The following CBLB variants were observed in gnomAD, a reference collection of about 807,000 sequenced individuals.
CBLB encodes E3 ubiquitin-protein ligase CBL-B.
CBLB carries 31 observed loss-of-function variants against 104.9 expected under a neutral mutation model. The observed-to-expected ratio is 0.30, with a 90% CI of 0.22 to 0.40. CBLB has a LOEUF of 0.40. Ranked by LOEUF, CBLB falls within the 10% of genes least tolerant of loss-of-function variation. The pLI, the probability that CBLB is intolerant of heterozygous loss-of-function variation, is 1.00. For missense variants in CBLB, 1,062 were observed against 1,214.6 expected (o/e 0.87, Z 1.87); for synonymous variants, 440 against 422.6 (o/e 1.04, Z -0.51).
intron 3 of CBLB, among the ~76,000 whole-genome samples, chr3:105,789,193 T>C (rs2081364716): frequency 6.6e-6 from 1 of 152,186 alleles, no homozygotes; most frequent in Non-Finnish European, 1.5e-5. Flanking sequence ...TAATTGTTAT[T>C]AGCACTATTA....
At position 105,761,926 on chromosome 3, in the gene CBLB, T is replaced by A. The variant is rs192905405; in HGVS notation, c.567-10308A>T. On this transcript the variant is annotated intron_variant, in intron 4 of 18. Coordinates refer to ENST00000394030, the MANE Select transcript of CBLB (RefSeq NM_170662.5). Reference sequence around the variant, plus strand: ...GTGATATGGACAATGAAGTGCAGGTTAAGGTGGACTGAGATGGAGATGGGG... The same window carrying A: ...GTGATATGGACAATGAAGTGCAGGTAAAGGTGGACTGAGATGGAGATGGGG... Among the ~76,000 whole-genome samples the A allele has an allele frequency of 1.0e-3, 154 of 152,230 alleles. 3 individuals carry two copies. Among genetic ancestry groups the A allele is most frequent in the African/African-American group, 3.4e-3 (140 of 41,528 alleles).
At chr3:105,832,077 A>T (rs1182528282) in intron 3 of CBLB, among the ~76,000 whole-genome samples, 2 of 152,170 alleles carry the variant, frequency 1.3e-5, no homozygotes, top group Non-Finnish European at 2.9e-5. Context: ...ATAATTATTA[A>T]AGCAATGGAT....
chr3:105,837,665 A>T (rs1005531011), intron 3 of CBLB, among the ~76,000 whole-genome samples: 1 of 152,236 alleles, frequency 6.6e-6, no homozygotes, highest in East Asian at 1.9e-4. Context: ...CAAGAATGTT[A>T]TTACAGTAAA....
chr3:105,785,230 A>C (rs1035762799), intron 3 of CBLB, among the ~76,000 whole-genome samples: 2 of 152,246 alleles, frequency 1.3e-5, no homozygotes, highest in Admixed American at 6.5e-5. Context: ...TTTTTAAACT[A>C]TAAGGAATAA....
Position 105,656,466 on chromosome 3 carries a change from T to C in CBLB, c.*2504A>G, listed in dbSNP as rs1402321493. On this transcript the variant is annotated 3_prime_UTR_variant, in exon 19 of 19. Transcript: ENST00000394030. ...AGCAATGGGTCTTTCTTGACAGTGT[T>C]TAATAGAAAGTTTTCCTCTTTTCAT... is the stretch of plus-strand genomic sequence containing the variant. The C allele has an allele frequency of 5.2e-6, 1 of 192,630 alleles. No individual in the cohort carries two copies. Among genetic ancestry groups the C allele is most frequent in the Non-Finnish European group, 1.1e-5 (1 of 92,292 alleles). The allele number at this position is 192,630 out of a possible 1,614,324, so 11.9% of individuals were successfully genotyped here.
chr3:105,689,183 CAA>C (rs1039811032), intron 13 of CBLB, among the ~76,000 whole-genome samples: 17 of 151,966 alleles, frequency 1.1e-4, no homozygotes, highest in Non-Finnish European at 2.1e-4. Context: ...GCTTAAATTC[CAA>C]AGAGGATAAA....
intron 3 of CBLB, among the ~76,000 whole-genome samples, chr3:105,851,770 C>T (rs957034779): frequency 6.6e-5 from 10 of 152,108 alleles, no homozygotes; most frequent in Non-Finnish European, 1.3e-4. Context: ...ATGTTAAAAG[C>T]AAATACAGTC....
chr3:105,720,673 G>C (rs1274945944), intron 9 of CBLB, among the ~76,000 whole-genome samples: 1 of 152,142 alleles, frequency 6.6e-6, no homozygotes, highest in Non-Finnish European at 1.5e-5. Flanking sequence ...TAAAGCAGTA[G>C]TATCGGTGAG....
At chr3:105,755,874 G>T (rs567162653) in intron 4 of CBLB, among the ~76,000 whole-genome samples, 6 of 152,090 alleles carry the variant, frequency 3.9e-5, no homozygotes, top group African/African-American at 1.4e-4. Context: ...AAACAAATAC[G>T]TTCACTAGTA....
intron 16 of CBLB, among the ~76,000 whole-genome samples, chr3:105,680,241 AAGTAG>A (rs1369391701): frequency 6.6e-6 from 1 of 152,200 alleles, no homozygotes; most frequent in African/African-American, 2.4e-5. Flanking sequence ...AGGATCGTCT[AAGTAG>A]AGTAAACAGT....
chr3:105,819,573 C>T (rs961833691), intron 3 of CBLB, among the ~76,000 whole-genome samples: 1 of 151,658 alleles, frequency 6.6e-6, no homozygotes, highest in African/African-American at 2.4e-5. Flanking sequence ...TCAAAAGTGA[C>T]AAGTAGTATT....
intron 3 of CBLB, among the ~76,000 whole-genome samples, chr3:105,786,051 G>T (rs938513970): frequency 2.4e-5 from 2 of 83,756 alleles, no homozygotes; most frequent in African/African-American, 9.6e-5. Flanking sequence ...ATAACACTGT[G>T]TGAGAGGATC....
rs1342273763 is a variant in CBLB at position 105,658,460 on chromosome 3, A to T, written c.*510T>A. On this transcript the variant is annotated 3_prime_UTR_variant, in exon 19 of 19. Transcript: ENST00000394030. ...CTTCAAAGCATCTTGTGAATGAGAG[A>T]AATGGAACTGGACCTGGGCAAGGCA... 8.8e-6 allele frequency: 2 copies of T among 227,572 alleles called. No homozygotes were observed. The highest frequency in any genetic ancestry group is 1.7e-5 in the Non-Finnish European group (2 of 114,460). The allele number at this position is 227,572 out of a possible 1,614,324, so 14.1% of individuals were successfully genotyped here.
chr3:105,835,658 T>C (rs967060872), intron 3 of CBLB, among the ~76,000 whole-genome samples: 2 of 152,256 alleles, frequency 1.3e-5, no homozygotes, highest in African/African-American at 4.8e-5. Context: ...TACATTCTGC[T>C]TCTTTCTAAG....
chr3:105,853,968 T>G (rs2091276826), intron 2 of CBLB, among the ~76,000 whole-genome samples: 1 of 152,148 alleles, frequency 6.6e-6, no homozygotes, highest in South Asian at 2.1e-4. Flanking sequence ...TGTATATCAC[T>G]GATAGTCTTT....
chr3:105,733,273 C>T (rs534832514), intron 9 of CBLB, among the ~76,000 whole-genome samples: 5 of 151,432 alleles, frequency 3.3e-5, no homozygotes, highest in South Asian at 2.1e-4. Flanking sequence ...AGGAGAATGG[C>T]GTGAACCCAG....
At chr3:105,727,791 A>C (rs769109355) in intron 9 of CBLB, among the ~76,000 whole-genome samples, 2 of 152,150 alleles carry the variant, frequency 1.3e-5, no homozygotes, top group Non-Finnish European at 2.9e-5. Flanking sequence ...ACCGTTTATT[A>C]AATAGGGAAT....
chr3:105,731,427 T>C (rs1411299237), intron 9 of CBLB, among the ~76,000 whole-genome samples: 1 of 152,184 alleles, frequency 6.6e-6, no homozygotes, highest in African/African-American at 2.4e-5. Context: ...TATGTCACTT[T>C]GCTCAAAGTT....
At chr3:105,861,254 A>C (rs1045980791) in intron 2 of CBLB, among the ~76,000 whole-genome samples, 5 of 152,192 alleles carry the variant, frequency 3.3e-5, no homozygotes, top group Admixed American at 6.5e-5. Context: ...GATAAACTTA[A>C]TATTAAAGAT....
Sources: allele counts gnomAD v4.1 joint callset (sites outside exome capture counted in the v4.1 genomes callset), GRCh38; gene constraint gnomAD v4.1.1; transcripts MANE v1.5; gene names NCBI Gene and HGNC (gene_info 2026-07-23, HGNC 2026-07-21).